RAB21: variants seen among roughly 807,000 people sequenced by gnomAD.
RAB21 encodes the protein RAB21, member RAS oncogene family.
In RAB21, 13 loss-of-function variants were observed where a neutral mutation model predicts 33.1. That is an observed-to-expected ratio of 0.39 (90% CI 0.26 to 0.62). The LOEUF (loss-of-function observed/expected upper bound fraction) is 0.62. RAB21 is among the 20% of genes least tolerant of loss of function. The pLI is 0.48. For synonymous variants in RAB21, 91 were observed against 103.7 expected, an observed-to-expected ratio of 0.88 and a Z score of 0.74; for missense variants, 234 against 279.1, an observed-to-expected ratio of 0.84 and a Z score of 1.15.
intron 1 of RAB21, among the ~76,000 whole-genome samples, chr12:71,763,710 A>G (rs1882913146): frequency 6.6e-6 from 1 of 152,222 alleles, no homozygotes; most frequent in South Asian, 2.1e-4. Context: ...AGGGTGGAGA[A>G]TGTGCCATAA....
chr12:71,769,152 C>T (rs1883004077), intron 1 of RAB21, among the ~76,000 whole-genome samples: 1 of 152,212 alleles, frequency 6.6e-6, no homozygotes, highest in Non-Finnish European at 1.5e-5. Flanking sequence ...TACCTTCTCT[C>T]TGAAGCCTTC....
At chr12:71,769,363 T>G (rs1035344035) in intron 1 of RAB21, among the ~76,000 whole-genome samples, 1 of 152,196 alleles carries the variant, frequency 6.6e-6, no homozygotes, top group African/African-American at 2.4e-5. Flanking sequence ...GAATATATGT[T>G]AAACAATTGA....
chr12:71,790,041 A>G lies in RAB21; in HGVS notation c.*4368A>G, dbSNP rs576919263. ...AGTTCTTGTGCTATCTAGGATTTATACATTTTTGCTTTTCTGGAAAACTGC... is the reference window on the plus strand; with the variant it reads ...AGTTCTTGTGCTATCTAGGATTTATGCATTTTTGCTTTTCTGGAAAACTGC... On this transcript the variant is annotated 3_prime_UTR_variant, in exon 7 of 7. Transcript: ENST00000261263. The G allele has an allele frequency of 6.6e-6, 1 of 152,302 alleles. No individual in the cohort carries two copies. The highest frequency in any genetic ancestry group is 1.5e-5 in the Non-Finnish European group (1 of 68,002). The allele number at this position is 152,302 out of a possible 1,614,324, so 9.4% of individuals were successfully genotyped here.
At chr12:71,772,119 C>G (rs986365053) in intron 3 of RAB21, among the ~76,000 whole-genome samples, 2 of 152,130 alleles carry the variant, frequency 1.3e-5, no homozygotes, top group African/African-American at 4.8e-5. Flanking sequence ...GTCCACTGCT[C>G]TTTGTGATGT....
At chr12:71,777,331 T>TTTACA (rs1565892018) in intron 4 of RAB21, among the ~76,000 whole-genome samples, 1 of 152,236 alleles carries the variant, frequency 6.6e-6, no homozygotes, top group Non-Finnish European at 1.5e-5. Context: ...CTTTTTTGAC[T>TTTACA]TTACATTATG....
At chr12:71,763,365 T>C (rs1163765557) in intron 1 of RAB21, among the ~76,000 whole-genome samples, 1 of 152,188 alleles carries the variant, frequency 6.6e-6, no homozygotes, top group East Asian at 1.9e-4. Flanking sequence ...AAAAATTGAT[T>C]AAACAAGTTA....
chr12:71,782,670 C>T lies in RAB21; in HGVS notation c.535+12C>T. The T allele has an allele frequency of 6.6e-7, 1 of 1,525,588 alleles. No individual in the cohort carries two copies. Among genetic ancestry groups the T allele is most frequent in the Non-Finnish European group, 8.9e-7 (1 of 1,118,068 alleles). 94.5% of individuals were successfully genotyped at this position (1,525,588 alleles called of 1,614,324 possible). ...TGACCTTTGTAAAAGTAGGTATATT[C>T]AGATTTAGTTTGTTTAGAAATGGTT... On this transcript the variant is annotated intron_variant, in intron 6 of 6. Coordinates refer to ENST00000261263, the MANE Select transcript of RAB21 (RefSeq NM_014999.4).
intron 4 of RAB21, among the ~76,000 whole-genome samples, chr12:71,780,153 T>C (rs1185716371): frequency 2.0e-5 from 3 of 152,216 alleles, no homozygotes; most frequent in African/African-American, 7.2e-5. Context: ...TAAAGCAGTG[T>C]CTGAATTATT....
rs1883218887 is a variant in RAB21 at position 71,782,604 on chromosome 12, A to G, written c.481A>G (p.Thr161Ala). 1.2e-6 allele frequency: 2 copies of G among 1,604,088 alleles called. No homozygotes were observed. The highest frequency in any genetic ancestry group is 1.7e-6 in the Non-Finnish European group (2 of 1,174,088). The change falls in exon 6 of 7, where the codon ACT becomes GCT. Residue 161 changes from threonine (T) to alanine (A), a missense_variant. Physicochemically the swap from Thr to Ala is moderately conservative, Grantham distance 58. Coordinates refer to ENST00000261263, the MANE Select transcript of RAB21 (RefSeq NM_014999.4). ...ATCTGTGGGAGCAAAACATTATCAT[A>G]CTTCAGCCAAACAGAACAAAGGAAT... ...AESVGAKHYH[T>A]SAKQNKGIEE... is the part of the protein sequence containing the mutation.
intron 3 of RAB21, 148 bp from the exon 4 acceptor site, chr12:71,773,811 A>G (rs964600527): frequency 8.4e-5 from 49 of 584,400 alleles, no homozygotes; most frequent in Non-Finnish European, 1.3e-4. Context: ...GCAATAAATG[A>G]TTCTTCAGTG....
rs1883413575 is a variant in RAB21, at chr12:71,793,260, G to A, written c.*7587G>A. On this transcript the variant is annotated 3_prime_UTR_variant, in exon 7 of 7. Coordinates refer to ENST00000261263, the MANE Select transcript of RAB21 (RefSeq NM_014999.4). ...ACAGATGTGGCCTTGTCACCACACA[G>A]TAAGCCAGAACACAATCCATTCCTG... 6.6e-6 allele frequency: 1 copy of A among 152,140 alleles called. No homozygotes were observed. The allele number at this position is 152,140 out of a possible 1,614,324, so 9.4% of individuals were successfully genotyped here. A position where few individuals can be genotyped will look rare whatever the true frequency, so the allele number is the denominator to read the frequency against.
At chr12:71,781,466 C>CA (rs35453463) in intron 4 of RAB21, among the ~76,000 whole-genome samples, 2,312 of 110,346 alleles carry the variant, frequency 0.021, 60 homozygotes, top group African/African-American at 0.067. Flanking sequence ...GAGACTCCGT[C>CA]AAAAAAAAAA....
chr12:71,778,348 A>G (rs947850411), intron 4 of RAB21, among the ~76,000 whole-genome samples: 3 of 152,168 alleles, frequency 2.0e-5, no homozygotes, highest in Non-Finnish European at 2.9e-5. Flanking sequence ...CGTAGTCACC[A>G]TTTACTGAGT....
intron 1 of RAB21, among the ~76,000 whole-genome samples, chr12:71,767,933 C>T (rs2137645432): frequency 6.6e-6 from 1 of 152,200 alleles, no homozygotes; most frequent in South Asian, 2.1e-4. Context: ...ATAAATTACA[C>T]AGCTAGTATG....
intron 3 of RAB21, among the ~76,000 whole-genome samples, chr12:71,772,446 C>T (rs941524411): frequency 2.0e-5 from 3 of 152,152 alleles, no homozygotes; most frequent in Admixed American, 1.3e-4. Context: ...GGGAATTTGA[C>T]TCTACCACTT....
chr12:71,771,171 G>T (rs1005618219), intron 3 of RAB21, among the ~76,000 whole-genome samples: 1 of 152,122 alleles, frequency 6.6e-6, no homozygotes, highest in Non-Finnish European at 1.5e-5. Context: ...TATAATAAAA[G>T]TTTTAAAAGG....
chr12:71,757,114 A>C (rs1882796521), intron 1 of RAB21, among the ~76,000 whole-genome samples: 1 of 152,000 alleles, frequency 6.6e-6, no homozygotes, highest in Non-Finnish European at 1.5e-5. Flanking sequence ...TGAGGTCTCC[A>C]CGTTTTTTTT....
intron 1 of RAB21, among the ~76,000 whole-genome samples, chr12:71,758,230 GC>G (rs1459968740): frequency 6.6e-6 from 1 of 151,680 alleles, no homozygotes; most frequent in Non-Finnish European, 1.5e-5. Context: ...ATGGGATTTT[GC>G]CGTGTTGGCC....
At position 71,785,586 on chromosome 12, in the gene RAB21, G is replaced by A. The variant is rs1213310425; in HGVS notation, c.591G>A (p.Gln197=). Reference sequence around the variant, plus strand: ...GAGCAAAAGGCAATGGCTCTAGTCAGCCGGGAACTGCAAGGCGAGGTGTAC... The same window carrying A: ...GAGCAAAAGGCAATGGCTCTAGTCAACCGGGAACTGCAAGGCGAGGTGTAC... ...DERAKGNGSS[Q]PGTARRGVQI... is the part of the protein sequence containing the mutation. The change falls in exon 7 of 7, where the codon CAG becomes CAA. Residue 197 remains glutamine, a synonymous_variant. Coordinates refer to ENST00000261263, the MANE Select transcript of RAB21 (RefSeq NM_014999.4). The A allele has an allele frequency of 1.2e-6, 2 of 1,614,056 alleles. No individual in the cohort carries two copies. Among genetic ancestry groups the A allele is most frequent in the Admixed American group, 1.7e-5 (1 of 60,008 alleles).
Sources: gnomAD v4.1 joint callset for allele counts (sites outside exome capture counted in the v4.1 genomes callset) on GRCh38, gnomAD v4.1.1 for gene constraint, MANE v1.5 for transcripts, NCBI Gene and HGNC (gene_info 2026-07-23, HGNC 2026-07-21) for gene names.